Variants in TMEM132B observed in about 807,000 individuals in gnomAD.
The protein encoded by TMEM132B is transmembrane protein 132B.
Under a neutral mutation model 90.8 loss-of-function variants are expected in TMEM132B, and 18 were observed. The observed-to-expected ratio is 0.20, with a 90% CI of 0.14 to 0.29. The LOEUF (loss-of-function observed/expected upper bound fraction) is 0.29, where lower values mean the gene tolerates loss of function less well. Among genes scored for constraint, TMEM132B ranks in the 10% least tolerant of loss-of-function variants. TMEM132B has a pLI of 1.00. For missense variants in TMEM132B, 1,096 were observed against 1,326.8 expected, an observed-to-expected ratio of 0.83 and a Z score of 2.70; for synonymous variants, 504 against 523.3, an observed-to-expected ratio of 0.96 and a Z score of 0.50.
At chr12:125,568,571 C>T (rs1322352628) in intron 4 of TMEM132B, among the ~76,000 whole-genome samples, 1 of 152,208 alleles carries the variant, frequency 6.6e-6, no homozygotes, top group Non-Finnish European at 1.5e-5. Context: ...ACTCTGCCGC[C>T]TTATATTCTG....
chr12:125,226,172 C>A (rs1284210025), intron 1 of TMEM132B, among the ~76,000 whole-genome samples: 1 of 152,204 alleles, frequency 6.6e-6, no homozygotes, highest in East Asian at 1.9e-4. Flanking sequence ...CATGTAGTAG[C>A]TTGCTCTCAG....
rs1880970146 is a variant in TMEM132B at position 125,445,100 on chromosome 12, C to T, written c.1106+29423C>T. Among the ~76,000 whole-genome samples the T allele has an allele frequency of 1.3e-5, 2 of 152,004 alleles. No individual in the cohort carries two copies. The highest frequency in any genetic ancestry group is 4.2e-4 in the South Asian group (2 of 4,816). ...GGGTCTAAGGACATTAACATTTTTG[C>T]TTATTTGATAAGTGTAAAGATACAG... On this transcript the variant is annotated intron_variant, in intron 3 of 8. Coordinates refer to ENST00000682704, the MANE Select transcript of TMEM132B (RefSeq NM_001366854.1). This position sits in a 1 kb window ranked among gnomAD's most constrained non-coding sequence, Gnocchi z 4.3.
intron 3 of TMEM132B, among the ~76,000 whole-genome samples, chr12:125,501,863 G>T (rs1194799414): frequency 6.6e-6 from 1 of 152,206 alleles, no homozygotes; most frequent in Non-Finnish European, 1.5e-5. Context: ...CTAAGTATTT[G>T]TAAGATGTAA....
At chr12:125,403,582 C>A (rs1272187959) in intron 2 of TMEM132B, among the ~76,000 whole-genome samples, 1 of 152,118 alleles carries the variant, frequency 6.6e-6, no homozygotes, top group Non-Finnish European at 1.5e-5. Flanking sequence ...CATAGATGTT[C>A]CTGGGCTTAA....
chr12:125,224,352 C>G (rs1303659409), intron 1 of TMEM132B, among the ~76,000 whole-genome samples: 1 of 152,126 alleles, frequency 6.6e-6, no homozygotes, highest in Non-Finnish European at 1.5e-5. Context: ...TAGGGTAATT[C>G]TAGGTTAAAG....
chr12:125,313,517 T>A (rs1876170086), intron 1 of TMEM132B, among the ~76,000 whole-genome samples: 1 of 127,948 alleles, frequency 7.8e-6, no homozygotes, highest in African/African-American at 3.0e-5. Flanking sequence ...CTCCCTTCCT[T>A]CATTTCCCAC....
chr12:125,290,697 T>G (rs1447383058), intron 1 of TMEM132B, among the ~76,000 whole-genome samples: 1 of 152,220 alleles, frequency 6.6e-6, no homozygotes, highest in Admixed American at 6.5e-5. Context: ...TATTCATCTG[T>G]CCTCCTGCTG....
At chr12:125,616,281 T>C (rs557576594) in intron 5 of TMEM132B, among the ~76,000 whole-genome samples, 1 of 152,238 alleles carries the variant, frequency 6.6e-6, no homozygotes, top group Admixed American at 6.5e-5. Flanking sequence ...TCATTTTTTA[T>C]GGCTGCATAG....
At chr12:125,380,008 G>C (rs1201999232) in intron 2 of TMEM132B, among the ~76,000 whole-genome samples, 1 of 152,186 alleles carries the variant, frequency 6.6e-6, no homozygotes, top group East Asian at 1.9e-4. Flanking sequence ...AGAATACTGT[G>C]GTGCAGGAAA....
rs1565983118 is a variant in TMEM132B, at chr12:125,246,676, G to A, written c.67+59810G>A. 6.6e-6 allele frequency among the ~76,000 whole-genome samples: 1 copy of A among 152,198 alleles called. No individual in the cohort carries two copies. Among genetic ancestry groups the A allele is most frequent in the Non-Finnish European group, 1.5e-5 (1 of 68,032 alleles). On this transcript the variant is annotated intron_variant, in intron 1 of 8. Coordinates refer to ENST00000682704, the MANE Select transcript of TMEM132B (RefSeq NM_001366854.1). The surrounding 1 kb of genome is among the most constrained non-coding windows in gnomAD (Gnocchi z 4.2). The stretch of plus-strand genomic sequence containing the variant: ...TGGCTTCAGAGAACAAACAAATACT[G>A]ATTTTTCCATTTCGGGCTCTTTTGT...
At chr12:125,548,943 T>C (rs2136753098) in intron 4 of TMEM132B, among the ~76,000 whole-genome samples, 1 of 152,316 alleles carries the variant, frequency 6.6e-6, no homozygotes, top group South Asian at 2.1e-4. Context: ...CAGTTTCCTG[T>C]GTTACCCTGT....
chr12:125,558,506 A>T (rs1189943378), intron 4 of TMEM132B, among the ~76,000 whole-genome samples: 4 of 152,184 alleles, frequency 2.6e-5, no homozygotes, highest in Admixed American at 2.6e-4. Context: ...GAATTCCTTA[A>T]ATTTAGACTT....
At chr12:125,428,203 A>G (rs750167065) in intron 3 of TMEM132B, among the ~76,000 whole-genome samples, 1 of 151,996 alleles carries the variant, frequency 6.6e-6, no homozygotes, top group Non-Finnish European at 1.5e-5. Flanking sequence ...TATGTTGCCT[A>G]GGCTGGTCTC....
At chr12:125,503,771 G>T (rs996645424) in intron 3 of TMEM132B, among the ~76,000 whole-genome samples, 2 of 152,210 alleles carry the variant, frequency 1.3e-5, no homozygotes, top group Admixed American at 1.3e-4. Flanking sequence ...TATAATTGAT[G>T]TATCAGTCTG....
At chr12:125,630,203 A>G (rs1451304332) in intron 5 of TMEM132B, among the ~76,000 whole-genome samples, 1 of 152,052 alleles carries the variant, frequency 6.6e-6, no homozygotes, top group Non-Finnish European at 1.5e-5. Context: ...AATAGTTTGA[A>G]TAAGATTGGT....
chr12:125,504,053 G>A (rs796759910), intron 3 of TMEM132B, among the ~76,000 whole-genome samples: 42 of 152,352 alleles, frequency 2.8e-4, no homozygotes, highest in African/African-American at 1.0e-3. Context: ...CAATCATTGG[G>A]TATTAATTAA....
intron 5 of TMEM132B, among the ~76,000 whole-genome samples, chr12:125,599,196 C>T (rs545557603): frequency 2.0e-4 from 30 of 152,210 alleles, no homozygotes; most frequent in Non-Finnish European, 2.6e-4. Flanking sequence ...ATAAGTCTCA[C>T]GAGATCTGAT....
intron 4 of TMEM132B, among the ~76,000 whole-genome samples, chr12:125,565,544 C>T (rs987542334): frequency 1.3e-5 from 2 of 152,156 alleles, no homozygotes; most frequent in Admixed American, 6.5e-5. Flanking sequence ...CACACATGGA[C>T]TTGAAGGGTG....
At chr12:125,233,151 G>A (rs576995349) in intron 1 of TMEM132B, among the ~76,000 whole-genome samples, 1 of 152,226 alleles carries the variant, frequency 6.6e-6, no homozygotes, top group African/African-American at 2.4e-5. Flanking sequence ...ACTCACCCCA[G>A]TGTCTGAAAC....
Sources: allele counts gnomAD v4.1 joint callset (sites outside exome capture counted in the v4.1 genomes callset), GRCh38; gene constraint gnomAD v4.1.1; non-coding constraint Gnocchi (gnomAD v3.1); transcripts MANE v1.5; gene names NCBI Gene and HGNC (gene_info 2026-07-23, HGNC 2026-07-21).